MEGF10: variants seen among roughly 807,000 people sequenced by gnomAD.
The protein encoded by MEGF10 is multiple epidermal growth factor-like domains protein 10.
In MEGF10, 86 loss-of-function variants were observed where a neutral mutation model predicts 147.5. The ratio of observed to expected loss-of-function variants is 0.58; its 90% CI spans 0.49 to 0.70. The LOEUF (loss-of-function observed/expected upper bound fraction) is 0.70, where lower values mean the gene tolerates loss of function less well. MEGF10 is among the 30% of genes least tolerant of loss of function. The pLI is 0.00. For missense variants in MEGF10, 1,329 were observed against 1,487.3 expected (o/e 0.89, Z 1.75); for synonymous variants, 478 against 525.5 (o/e 0.91, Z 1.24).
intron 2 of MEGF10, among the ~76,000 whole-genome samples, chr5:127,337,471 A>G (rs1337661080): frequency 6.6e-6 from 1 of 152,218 alleles, no homozygotes; most frequent in East Asian, 1.9e-4. Flanking sequence ...AAATATTGGT[A>G]AGGAAGTCTT....
In MEGF10 at chr5:127,370,003, G is replaced by A; in HGVS notation, c.412+1G>A. 3 of 1,612,010 alleles carry A rather than the reference G, an allele frequency of 1.9e-6. No individual in the cohort carries two copies. The highest frequency in any genetic ancestry group is 2.5e-6 in the Non-Finnish European group (3 of 1,178,486). ...TGGGGAGGGACCAACTGCTCCAGTG[G>A]TAAGTTTCCACCTGCTGTTGTCTGT... is the stretch of plus-strand genomic sequence containing the variant. On this transcript the variant is annotated splice_donor_variant, in intron 5 of 24. Coordinates refer to ENST00000503335, the MANE Select transcript of MEGF10 (RefSeq NM_001256545.2). LOFTEE classifies it high-confidence loss of function.
chr5:127,322,431 A>T (rs951964014), intron 1 of MEGF10, among the ~76,000 whole-genome samples: 1 of 152,166 alleles, frequency 6.6e-6, no homozygotes, highest in African/African-American at 2.4e-5. Context: ...AAAGTTTCTT[A>T]AAGACCTTTT....
At chr5:127,233,939 G>A in the MEGF10 span, among the ~76,000 whole-genome samples, 1 of 152,296 alleles carries the variant, frequency 6.6e-6, no homozygotes, top group South Asian at 2.1e-4. Context: ...TATCTGTGGG[G>A]ATTTTTTAGC....
intron 1 of MEGF10, among the ~76,000 whole-genome samples, chr5:127,309,947 C>CTCTTTTCTTTCTT (rs1760190602): frequency 1.1e-5 from 1 of 90,464 alleles, no homozygotes; most frequent in South Asian, 3.9e-4. Context: ...TCCTTGCCAA[C>CTCTTTTCTTTCTT]TCTTTCTTTC....
At chr5:127,344,371 C>T (rs1187065863) in intron 4 of MEGF10, among the ~76,000 whole-genome samples, 3 of 152,108 alleles carry the variant, frequency 2.0e-5, no homozygotes, top group East Asian at 1.9e-4. Flanking sequence ...CAGATATAAT[C>T]GTACCCATGT....
At position 127,433,460 on chromosome 5, in the gene MEGF10, T is replaced by C. The variant is rs755366479; in HGVS notation, c.1791T>C (p.Asp597=). The change falls in exon 14 of 25, where the codon GAT becomes GAC. Residue 597 remains aspartate, a synonymous_variant. Coordinates refer to ENST00000503335, the MANE Select transcript of MEGF10 (RefSeq NM_001256545.2). ...CKNGASCSPD[D]GICECAPGFR... ...ATGGGGCTTCATGCTCCCCTGATGA[T>C]GGCATCTGCGAGTGTGCACCAGGCT... 6.8e-6 allele frequency: 11 copies of C among 1,613,804 alleles called. No homozygotes were observed. The highest frequency in any genetic ancestry group is 9.3e-6 in the Non-Finnish European group (11 of 1,179,936).
intron 1 of MEGF10, among the ~76,000 whole-genome samples, chr5:127,301,477 T>G (rs2126714569): frequency 6.6e-6 from 1 of 152,284 alleles, no homozygotes; most frequent in Non-Finnish European, 1.5e-5. Flanking sequence ...ACTAAATGTG[T>G]ACCCTTCATT....
chr5:127,355,239 A>G (rs538408820), intron 4 of MEGF10, among the ~76,000 whole-genome samples: 1 of 152,232 alleles, frequency 6.6e-6, no homozygotes, highest in Non-Finnish European at 1.5e-5. Flanking sequence ...TTTGAGGCAG[A>G]CAGAGCCTTC....
At chr5:127,449,982 TA>T (rs141337849) in intron 22 of MEGF10, among the ~76,000 whole-genome samples, 10 of 152,170 alleles carry the variant, frequency 6.6e-5, no homozygotes, top group African/African-American at 1.7e-4. Context: ...GTGTTTTTAT[TA>T]AAAAAAACTA....
intron 17 of MEGF10, 44 bp downstream of exon 17, chr5:127,438,611 C>T: frequency 1.2e-6 from 2 of 1,605,448 alleles, no homozygotes; most frequent in South Asian, 1.1e-5. Flanking sequence ...GAGCCTTGTC[C>T]AAGGAGGAAA....
At chr5:127,316,498 G>A (rs1760553889) in intron 1 of MEGF10, among the ~76,000 whole-genome samples, 2 of 152,136 alleles carry the variant, frequency 1.3e-5, no homozygotes, top group African/African-American at 4.8e-5. Context: ...AAAACTTTCA[G>A]TGTTTTTTCA....
intron 9 of MEGF10, among the ~76,000 whole-genome samples, chr5:127,414,891 AG>A (rs1402741958): frequency 3.9e-5 from 6 of 152,326 alleles, no homozygotes; most frequent in African/African-American, 1.4e-4. Flanking sequence ...AAGAAGGATC[AG>A]GGTGGTAAGG....
At chr5:127,434,658 A>AT (rs756081275) in intron 14 of MEGF10, 29 bp from the exon 15 acceptor site, 1 of 1,588,474 alleles carries the variant, frequency 6.3e-7, no homozygotes. Context: ...TCTCAGAAGG[A>AT]TAACTGCTGA....
At chr5:127,356,005 T>G (rs1375328161) in intron 4 of MEGF10, among the ~76,000 whole-genome samples, 1 of 152,240 alleles carries the variant, frequency 6.6e-6, no homozygotes, top group Non-Finnish European at 1.5e-5. Context: ...TAATAATTTA[T>G]GCAATCCCCT....
intron 1 of MEGF10, among the ~76,000 whole-genome samples, chr5:127,300,819 A>G (rs1376554746): frequency 1.3e-5 from 2 of 152,176 alleles, no homozygotes; most frequent in African/African-American, 4.8e-5. Context: ...TAGCACCATC[A>G]TAGGTGATTG....
intron 1 of MEGF10, among the ~76,000 whole-genome samples, chr5:127,330,612 A>G (rs1761217219): frequency 6.6e-6 from 1 of 152,134 alleles, no homozygotes. Flanking sequence ...TCTATGTATA[A>G]TCTAGTTTTT....
At chr5:127,445,997 G>C (rs927417777) in intron 20 of MEGF10, among the ~76,000 whole-genome samples, 1 of 152,156 alleles carries the variant, frequency 6.6e-6, no homozygotes, top group Admixed American at 6.5e-5. Context: ...TCATATGTGA[G>C]GGGGGTGAGG....
the MEGF10 span, among the ~76,000 whole-genome samples, chr5:127,264,486 A>G: frequency 6.6e-6 from 1 of 152,200 alleles, no homozygotes; most frequent in Non-Finnish European, 1.5e-5. Context: ...ACTGAAAAGT[A>G]TAGTGATAAT....
In MEGF10 at chr5:127,383,848, C is replaced by T. The variant is rs139732706; in HGVS notation, c.413-12684C>T. Among the ~76,000 whole-genome samples, 767 of 152,274 alleles carry T rather than the reference C, an allele frequency of 5.0e-3. 6 individuals are homozygous for T. The highest frequency in any genetic ancestry group is 0.018 in the African/African-American group (736 of 41,558). ...TATTCGTAGTCTCTCATAGTCCCAT[C>T]GTTTAAATTTTTTTCTCAAGAAAAC... On this transcript the variant is annotated intron_variant, in intron 5 of 24. Coordinates refer to ENST00000503335, the MANE Select transcript of MEGF10 (RefSeq NM_001256545.2).
Sources: gnomAD v4.1 joint callset for allele counts (sites outside exome capture counted in the v4.1 genomes callset) on GRCh38, gnomAD v4.1.1 for gene constraint, MANE v1.5 for transcripts, NCBI Gene and HGNC (gene_info 2026-07-23, HGNC 2026-07-21) for gene names.